Variants in LRP2 observed in about 807,000 individuals in gnomAD.
LRP2 encodes low-density lipoprotein receptor-related protein 2.
Under a neutral mutation model 531.0 loss-of-function variants are expected in LRP2, and 172 were observed. The observed-to-expected ratio is 0.32, with a 90% CI of 0.29 to 0.37. LRP2 has a LOEUF of 0.37. Ranked by LOEUF, LRP2 falls within the 10% of genes least tolerant of loss-of-function variation. The pLI, the probability that LRP2 is intolerant of heterozygous loss-of-function variation, is 1.00. For synonymous variants in LRP2, 1,992 were observed against 2,027.6 expected (o/e 0.98, Z 0.47); for missense variants, 5,167 against 5,868.3 (o/e 0.88, Z 3.90).
chr2:169,178,599 C>T (rs1300003266), intron 52 of LRP2, among the ~76,000 whole-genome samples: 5 of 152,144 alleles, frequency 3.3e-5, no homozygotes, highest in Admixed American at 2.6e-4. Context: ...ATTAATCGTG[C>T]CATGGCACCA....
chr2:169,306,661 A>G (rs1244845492), intron 4 of LRP2, among the ~76,000 whole-genome samples: 1 of 152,188 alleles, frequency 6.6e-6, no homozygotes, highest in Non-Finnish European at 1.5e-5. Context: ...ACACTTCTAT[A>G]TAAGCCTCGA....
At chr2:169,222,991 G>C (rs1689072976) in intron 33 of LRP2, among the ~76,000 whole-genome samples, 1 of 152,130 alleles carries the variant, frequency 6.6e-6, no homozygotes, top group Non-Finnish European at 1.5e-5. Context: ...TGACACTGGA[G>C]CACAGGTATT....
intron 33 of LRP2, among the ~76,000 whole-genome samples, chr2:169,224,037 T>C (rs1003875852): frequency 2.0e-5 from 3 of 152,210 alleles, no homozygotes; most frequent in Non-Finnish European, 4.4e-5. Context: ...CATTCCAAGA[T>C]CACCAAGGGA....
At chr2:169,209,671 T>G in intron 37 of LRP2, 30 bp from the exon 38 acceptor site, 3 of 1,606,218 alleles carry the variant, frequency 1.9e-6, no homozygotes, top group Non-Finnish European at 2.6e-6. Context: ...CATTAAAAAA[T>G]GCTGTCACTG....
rs146506537 is a variant in LRP2 at position 169,170,298 on chromosome 2, T to G, written c.11380+253A>C. Among the ~76,000 whole-genome samples, 8 of 152,338 alleles carry G rather than the reference T, an allele frequency of 5.3e-5. No homozygotes were observed. In the East Asian group the frequency reaches 1.5e-3, roughly 29 times the overall value. On this transcript the variant is annotated intron_variant, in intron 59 of 78. Coordinates refer to ENST00000649046, the MANE Select transcript of LRP2 (RefSeq NM_004525.3). ...GCTAACGCAGATTAAAATCTGCTCC[T>G]AAGAAGTGTTGATATTAAAATTAAA...
At chr2:169,324,462 G>A (rs533098130) in intron 1 of LRP2, among the ~76,000 whole-genome samples, 1 of 152,276 alleles carries the variant, frequency 6.6e-6, no homozygotes, top group East Asian at 1.9e-4. Flanking sequence ...AAAAAGAGTA[G>A]TTTACTTGGT....
At position 169,147,063 on chromosome 2, in the gene LRP2, G is replaced by C. The variant is rs1297006594; in HGVS notation, c.12591-104C>G. The stretch of plus-strand genomic sequence containing the variant: ...ACAGGGAAACCAACTGTTTATCTCA[G>C]GGACCTGGGTGCTCAGTGACACCAG... On this transcript the variant is annotated intron_variant, in intron 68 of 78. Coordinates refer to ENST00000649046, the MANE Select transcript of LRP2 (RefSeq NM_004525.3). 4 of 904,658 alleles carry C rather than the reference G, an allele frequency of 4.4e-6. No homozygotes were observed. In the East Asian group the frequency reaches 1.0e-4, roughly 24 times the overall value. 56.0% of individuals were successfully genotyped at this position (904,658 alleles called of 1,614,324 possible).
intron 20 of LRP2, among the ~76,000 whole-genome samples, 188 bp from the exon 21 acceptor site, chr2:169,247,174 T>C (rs1316328809): frequency 6.6e-6 from 1 of 152,204 alleles, no homozygotes. Flanking sequence ...TCCCAAAATG[T>C]GTTTTTCCTG....
chr2:169,145,310 A>G (rs183572797), intron 70 of LRP2, among the ~76,000 whole-genome samples: 1 of 152,350 alleles, frequency 6.6e-6, no homozygotes, highest in East Asian at 1.9e-4. Flanking sequence ...ATGACTGGCC[A>G]TTTTAAACTA....
chr2:169,171,400 A>C (rs1009853670), intron 58 of LRP2, among the ~76,000 whole-genome samples: 1 of 152,084 alleles, frequency 6.6e-6, no homozygotes, highest in African/African-American at 2.4e-5. Context: ...TGACCATCTA[A>C]TTTGATATGA....
intron 35 of LRP2, 27 bp downstream of exon 35, chr2:169,216,226 A>G: frequency 6.2e-7 from 1 of 1,611,932 alleles, no homozygotes; most frequent in Non-Finnish European, 8.5e-7. Flanking sequence ...CAGCATAAAG[A>G]CCAAAAGACT....
chr2:169,333,202 T>A (rs568679005), intron 1 of LRP2, among the ~76,000 whole-genome samples: 70 of 152,314 alleles, frequency 4.6e-4, no homozygotes, highest in Admixed American at 3.5e-3. Flanking sequence ...AATATTTTTG[T>A]ATTTTTCCCC....
At chr2:169,354,067 G>A (rs1685927021) in intron 1 of LRP2, among the ~76,000 whole-genome samples, 2 of 152,146 alleles carry the variant, frequency 1.3e-5, no homozygotes, top group Non-Finnish European at 2.9e-5. Context: ...TTTTCTCCTT[G>A]TTAATGACAT....
intron 13 of LRP2, among the ~76,000 whole-genome samples, chr2:169,275,796 G>T (rs1346211772): frequency 1.3e-5 from 2 of 151,884 alleles, no homozygotes; most frequent in African/African-American, 4.8e-5. Flanking sequence ...TTATGCATCT[G>T]CTTGATGGAA....
chr2:169,186,947 T>C (rs17212440), intron 49 of LRP2, among the ~76,000 whole-genome samples: 2,768 of 152,364 alleles, frequency 0.018, 32 homozygotes, highest in Non-Finnish European at 0.026. Flanking sequence ...TTTGTATAAA[T>C]GTATAATATA....
intron 3 of LRP2, among the ~76,000 whole-genome samples, chr2:169,318,433 T>C (rs1684824536): frequency 1.3e-5 from 2 of 152,138 alleles, no homozygotes; most frequent in Admixed American, 1.3e-4. Flanking sequence ...GCCAAAGGAC[T>C]CATTCAGCTG....
chr2:169,241,051 G>A lies in LRP2; in HGVS notation c.3982C>T (p.Leu1328=), dbSNP rs776221119. The change falls in exon 25 of 79, where the codon CTG becomes TTG. Residue 1328 remains leucine (L), a synonymous_variant. Coordinates refer to ENST00000649046, the MANE Select transcript of LRP2 (RefSeq NM_004525.3). The stretch of plus-strand genomic sequence containing the variant: ...AAGATGCCATCACACACTACACTCA[G>A]ATTCACACAGATGTTATGGCCAAGA... The part of the protein sequence containing the change: ...QCLGHNICVN[L]SVVCDGIFDC... 6.2e-7 allele frequency: 1 copy of A among 1,614,132 alleles called. No individual in the cohort carries two copies. The highest frequency in any genetic ancestry group is 8.5e-7 in the Non-Finnish European group (1 of 1,180,028).
chr2:169,207,524 A>C (rs1476925539), intron 38 of LRP2, among the ~76,000 whole-genome samples: 3 of 152,226 alleles, frequency 2.0e-5, no homozygotes, highest in African/African-American at 7.2e-5. Flanking sequence ...CCCACTTTCT[A>C]CTGAAAGGTA....
intron 63 of LRP2, 142 bp downstream of exon 63, chr2:169,162,330 G>T: frequency 1.1e-6 from 1 of 894,102 alleles, no homozygotes; most frequent in Non-Finnish European, 1.8e-6. Flanking sequence ...CTCAGTCACA[G>T]CTAGCTATGG....
Sources: allele counts gnomAD v4.1 joint callset (sites outside exome capture counted in the v4.1 genomes callset), GRCh38; gene constraint gnomAD v4.1.1; transcripts MANE v1.5; gene names NCBI Gene and HGNC (gene_info 2026-07-23, HGNC 2026-07-21).